Variants in AP3B1 observed in about 807,000 individuals in gnomAD.
AP3B1 encodes the protein adaptor related protein complex 3 subunit beta 1, also known as AP-3 complex subunit beta-1.
Under a neutral mutation model 132.5 loss-of-function variants are expected in AP3B1, and 61 were observed. That is an observed-to-expected ratio of 0.46 (90% CI 0.37 to 0.57). The LOEUF (loss-of-function observed/expected upper bound fraction) is 0.57. Among genes scored for constraint, AP3B1 ranks in the 20% least tolerant of loss-of-function variants. The pLI, the probability that AP3B1 is intolerant of heterozygous loss-of-function variation, is 0.00. For synonymous variants in AP3B1, 388 were observed against 438.3 expected (o/e 0.89, Z 1.43); for missense variants, 1,120 against 1,289.4 (o/e 0.87, Z 2.01).
chr5:78,054,557 T>C (rs984458940), intron 22 of AP3B1, among the ~76,000 whole-genome samples: 11 of 152,154 alleles, frequency 7.2e-5, no homozygotes, highest in African/African-American at 2.7e-4. Flanking sequence ...GCTGAACAGA[T>C]TTACAACAGG....
At chr5:78,126,504 C>CAA (rs70997969) in intron 17 of AP3B1, among the ~76,000 whole-genome samples, 737 of 62,256 alleles carry the variant, frequency 0.012, 64 homozygotes, top group Middle Eastern at 0.024. Context: ...GACTCTGTCT[C>CAA]AAAAAAAAAA....
chr5:78,294,315 G>T, intron 1 of AP3B1, 137 bp downstream of exon 1: 1 of 1,270,370 alleles, frequency 7.9e-7, no homozygotes, highest in Non-Finnish European at 1.1e-6. Flanking sequence ...CTACCCACCC[G>T]CGGGACACGT....
chr5:78,221,953 G>A (rs1165650304), intron 6 of AP3B1, among the ~76,000 whole-genome samples: 1 of 152,096 alleles, frequency 6.6e-6, no homozygotes, highest in East Asian at 1.9e-4. Flanking sequence ...CAAACACAAT[G>A]TAAGCATTTC....
chr5:78,211,763 T>C (rs1031087356), intron 7 of AP3B1, among the ~76,000 whole-genome samples: 2 of 152,302 alleles, frequency 1.3e-5, no homozygotes, highest in East Asian at 1.9e-4. Flanking sequence ...AGAAAACTTA[T>C]TAAGGTAACT....
chr5:78,003,893 T>C (rs1746284707), intron 26 of AP3B1, among the ~76,000 whole-genome samples: 1 of 152,206 alleles, frequency 6.6e-6, no homozygotes, highest in African/African-American at 2.4e-5. Context: ...TCATTCTGCA[T>C]GCACAGTTGA....
At chr5:78,097,425 G>T (rs1750899226) in intron 21 of AP3B1, among the ~76,000 whole-genome samples, 1 of 133,624 alleles carries the variant, frequency 7.5e-6, no homozygotes, top group Non-Finnish European at 1.6e-5. Context: ...CGTCCGGGAG[G>T]TGAGGGGTGC....
intron 15 of AP3B1, among the ~76,000 whole-genome samples, chr5:78,137,804 A>C (rs1752980459): frequency 6.6e-6 from 1 of 152,214 alleles, no homozygotes. Flanking sequence ...CAGATAAAGA[A>C]ATTTACTATT....
At chr5:78,141,105 G>A in intron 15 of AP3B1, 38 bp downstream of exon 15, 1 of 1,583,536 alleles carries the variant, frequency 6.3e-7, no homozygotes, top group Non-Finnish European at 8.7e-7. Context: ...GAAGAGGAAA[G>A]TACGTATTAG....
chr5:78,209,095 T>TACAC (rs141012498), intron 7 of AP3B1, among the ~76,000 whole-genome samples: 2,275 of 150,046 alleles, frequency 0.015, 65 homozygotes, highest in African/African-American at 0.053. Flanking sequence ...GAAAGGTAAA[T>TACAC]ACACACACAC....
chr5:78,118,644 C>T (rs888218766), intron 17 of AP3B1, among the ~76,000 whole-genome samples: 1 of 152,200 alleles, frequency 6.6e-6, no homozygotes, highest in Admixed American at 6.5e-5. Context: ...CTGCCATTGC[C>T]CAGGCTTGAT....
intron 17 of AP3B1, among the ~76,000 whole-genome samples, chr5:78,119,216 T>C (rs1049963530): frequency 2.6e-5 from 4 of 151,824 alleles, no homozygotes; most frequent in Admixed American, 2.6e-4. Flanking sequence ...AGATCAAAAG[T>C]AGATAAAACC....
At chr5:78,161,729 C>T (rs1439771523) in intron 13 of AP3B1, among the ~76,000 whole-genome samples, 1 of 151,928 alleles carries the variant, frequency 6.6e-6, no homozygotes, top group East Asian at 1.9e-4. Context: ...GAAAAATCTT[C>T]AGTCATAGTA....
At chr5:78,005,854 T>A (rs1446024149) in intron 26 of AP3B1, among the ~76,000 whole-genome samples, 2 of 152,160 alleles carry the variant, frequency 1.3e-5, no homozygotes, top group African/African-American at 4.8e-5. Context: ...TGCTTCAACA[T>A]ACATGCAAAA....
At chr5:78,096,628 A>G (rs1750802517) in intron 21 of AP3B1, among the ~76,000 whole-genome samples, 5 of 135,436 alleles carry the variant, frequency 3.7e-5, no homozygotes, top group Admixed American at 2.2e-4. Context: ...CCGCCGCCCC[A>G]TCTGGGATGT....
At chr5:78,033,528 A>G (rs990020092) in intron 24 of AP3B1, among the ~76,000 whole-genome samples, 2 of 152,196 alleles carry the variant, frequency 1.3e-5, no homozygotes, top group Non-Finnish European at 2.9e-5. Flanking sequence ...AAACTTCAAG[A>G]CTTTTAAATC....
intron 22 of AP3B1, among the ~76,000 whole-genome samples, chr5:78,059,363 C>T (rs976070783): frequency 6.6e-6 from 1 of 152,212 alleles, no homozygotes; most frequent in Non-Finnish European, 1.5e-5. Flanking sequence ...TAAATTTGCA[C>T]TGTTTTAAGC....
intron 21 of AP3B1, among the ~76,000 whole-genome samples, chr5:78,097,248 C>T (rs1223755374): frequency 3.1e-5 from 4 of 128,016 alleles, no homozygotes; most frequent in African/African-American, 8.8e-5. Context: ...GGGGGTCAGC[C>T]CCCCGCCCGG....
intron 22 of AP3B1, among the ~76,000 whole-genome samples, chr5:78,080,611 G>A (rs1218485535): frequency 7.0e-6 from 1 of 143,880 alleles, no homozygotes. Context: ...ATACCCACTG[G>A]GTATGCCTCC....
At chr5:78,145,506 C>T (rs1205207796) in intron 14 of AP3B1, among the ~76,000 whole-genome samples, 3 of 152,188 alleles carry the variant, frequency 2.0e-5, no homozygotes, top group African/African-American at 7.2e-5. Flanking sequence ...TGGGTAGCGA[C>T]AAAATGAGTG....
Sources: gnomAD v4.1 joint callset for allele counts (sites outside exome capture counted in the v4.1 genomes callset) on GRCh38, gnomAD v4.1.1 for gene constraint, MANE v1.5 for transcripts, NCBI Gene and HGNC (gene_info 2026-07-23, HGNC 2026-07-21) for gene names.